Variants in DNAH8 observed in about 807,000 individuals in gnomAD.
DNAH8 encodes dynein axonemal heavy chain 8.
DNAH8 carries 382 observed loss-of-function variants against 562.1 expected under a neutral mutation model. That is an observed-to-expected ratio of 0.68 (90% CI 0.63 to 0.74). The LOEUF (loss-of-function observed/expected upper bound fraction) is 0.74. Ranked by LOEUF, DNAH8 falls within the 30% of genes least tolerant of loss-of-function variation. The pLI is 0.00. For missense variants in DNAH8, 5,203 were observed against 5,620.4 expected (o/e 0.93, Z 2.37); for synonymous variants, 1,881 against 1,919.4 (o/e 0.98, Z 0.52).
intron 85 of DNAH8, among the ~76,000 whole-genome samples, chr6:38,975,760 C>A (rs1461923449): frequency 6.6e-6 from 1 of 152,192 alleles, no homozygotes; most frequent in Non-Finnish European, 1.5e-5. Flanking sequence ...CTTTGCTAGA[C>A]CTTATCACAT....
Position 38,873,142 on chromosome 6 carries a change from T to A in DNAH8, c.7474T>A (p.Leu2492Ile). The change falls in exon 51 of 93, where the codon TTA becomes ATA. Residue 2492 changes from leucine to isoleucine, a missense_variant. Leu to Ile is a conservative substitution (Grantham distance 5). This residue lies in a region of DNAH8 where 977 missense variants were observed against 1,061.8 expected (regional missense o/e 0.92). Transcript: ENST00000327475. Reference protein sequence around the residue: ...SSSALSWRPILQAWLKKRTAQ... With the variant: ...SSSALSWRPIIQAWLKKRTAQ... ...CTCTGCTCTCAGCTGGAGGCCAATC[T>A]TACAGGTGGGGCAGAGAGATGGGAA... The A allele has an allele frequency of 6.2e-7, 1 of 1,613,502 alleles. No homozygotes were observed. The highest frequency in any genetic ancestry group is 8.5e-7 in the Non-Finnish European group (1 of 1,179,960).
chr6:38,848,568 T>C (rs1321418788), intron 36 of DNAH8, 80 bp from the exon 37 acceptor site: 13 of 1,144,390 alleles, frequency 1.1e-5, no homozygotes, highest in Non-Finnish European at 1.4e-5. Context: ...GTAATATTTC[T>C]TCTGGAATTT....
At chr6:38,722,099 C>T (rs1937781) in intron 1 of DNAH8, among the ~76,000 whole-genome samples, 112,121 of 152,098 alleles carry the variant, frequency 0.74, 41,783 homozygotes, top group East Asian at 0.99. Context: ...TACACTTCTT[C>T]ATTATTAGAG....
chr6:38,808,044 G>A (rs1052962838), intron 24 of DNAH8, among the ~76,000 whole-genome samples: 1 of 152,056 alleles, frequency 6.6e-6, no homozygotes, highest in Non-Finnish European at 1.5e-5. Flanking sequence ...CCCAATCCAC[G>A]TATCATTTAA....
In DNAH8 at chr6:38,847,941, A is replaced by G. The variant is rs116335211; in HGVS notation, c.5046-707A>G. Among the ~76,000 whole-genome samples the G allele has an allele frequency of 2.3e-3, 345 of 152,230 alleles. 1 individual carries two copies. Among genetic ancestry groups the G allele is most frequent in the African/African-American group, 7.7e-3 (321 of 41,558 alleles). On this transcript the variant is annotated intron_variant, in intron 36 of 92. Coordinates refer to ENST00000327475, the MANE Select transcript of DNAH8 (RefSeq NM_001206927.2). ...ATGATCAGAAAACAGGAGCCCTGCTATATGGGGGTAGCAACCCTGGGTCTC... is the reference window on the plus strand; with the variant it reads ...ATGATCAGAAAACAGGAGCCCTGCTGTATGGGGGTAGCAACCCTGGGTCTC...
At chr6:38,983,693 G>T (rs1177172864) in intron 86 of DNAH8, among the ~76,000 whole-genome samples, 2 of 152,166 alleles carry the variant, frequency 1.3e-5, no homozygotes, top group Non-Finnish European at 2.9e-5. Flanking sequence ...TAAATATTTT[G>T]ATGTAGTTTT....
At chr6:38,843,962 AC>A (rs753099313) in intron 35 of DNAH8, among the ~76,000 whole-genome samples, 1 of 151,884 alleles carries the variant, frequency 6.6e-6, no homozygotes, top group Non-Finnish European at 1.5e-5. Flanking sequence ...TCCTTCCTCT[AC>A]TGTGCTGTGG....
chr6:38,919,962 C>T (rs2050182), intron 70 of DNAH8, among the ~76,000 whole-genome samples: 9,015 of 152,066 alleles, frequency 0.059, 815 homozygotes, highest in African/African-American at 0.19. Flanking sequence ...AGAAAAGCAG[C>T]AGAATTAATG....
chr6:38,853,251 G>C lies in DNAH8; in HGVS notation c.5637G>C (p.Gln1879His). 1.9e-6 allele frequency: 3 copies of C among 1,613,304 alleles called. No individual in the cohort carries two copies. Among genetic ancestry groups the C allele is most frequent in the Non-Finnish European group, 2.5e-6 (3 of 1,179,588 alleles). ...GGCTACTGGATTTGTTAAAAATGCA[G>C]ATGTCATCATTACATAATATAATTA... is the stretch of plus-strand genomic sequence containing the variant. ...EIWLLDLLKMQMSSLHNIIRS... is the reference protein window; with the variant it reads ...EIWLLDLLKMHMSSLHNIIRS... Residue 1879 changes from glutamine (Q) to histidine (H), a missense_variant, in exon 41 of 93, where the codon CAG becomes CAC. Physicochemically the swap from Gln to His is conservative, Grantham distance 24 (BLOSUM62 0). Coordinates refer to ENST00000327475, the MANE Select transcript of DNAH8 (RefSeq NM_001206927.2).
At chr6:38,835,275 T>C (rs143842749) in intron 32 of DNAH8, among the ~76,000 whole-genome samples, 1 of 151,002 alleles carries the variant, frequency 6.6e-6, no homozygotes, top group Non-Finnish European at 1.5e-5. Context: ...ATAGTGTGAT[T>C]AGTTCTTTTC....
chr6:38,951,560 A>T (rs1554143716), intron 82 of DNAH8, 40 bp downstream of exon 82: 2 of 1,559,020 alleles, frequency 1.3e-6, no homozygotes, highest in African/African-American at 2.7e-5. Flanking sequence ...ACACTTCCAT[A>T]TTTTTTTGCC....
At chr6:38,766,711 C>G (rs1767040948) in intron 11 of DNAH8, among the ~76,000 whole-genome samples, 1 of 152,026 alleles carries the variant, frequency 6.6e-6, no homozygotes, top group Non-Finnish European at 1.5e-5. Context: ...TCACACCCCC[C>G]ACCCCAAAAA....
intron 82 of DNAH8, among the ~76,000 whole-genome samples, chr6:38,964,983 GAAC>G (rs540672461): frequency 6.6e-4 from 101 of 152,204 alleles, no homozygotes; most frequent in African/African-American, 2.1e-3. Flanking sequence ...AGAATCTCTT[GAAC>G]CCTGGAGGTG....
At chr6:38,878,949 TC>T (rs1397594378) in intron 53 of DNAH8, among the ~76,000 whole-genome samples, 5 of 152,134 alleles carry the variant, frequency 3.3e-5, no homozygotes, top group Non-Finnish European at 2.9e-5. Context: ...TTGTAATAAT[TC>T]CATATTGTAT....
chr6:38,818,727 C>T lies in DNAH8; in HGVS notation c.3523+3070C>T, dbSNP rs546226779. 7.2e-5 allele frequency among the ~76,000 whole-genome samples: 11 copies of T among 152,194 alleles called. No homozygotes were observed. The East Asian group carries it at 1.5e-3, about 21-fold the overall frequency. The stretch of plus-strand genomic sequence containing the variant: ...ACTGCTCTCAACAAATGCTGGATGC[C>T]GTTATATATACTGTCTTTTAACTTG... On this transcript the variant is annotated intron_variant, in intron 26 of 92. Coordinates refer to ENST00000327475, the MANE Select transcript of DNAH8 (RefSeq NM_001206927.2).
intron 24 of DNAH8, among the ~76,000 whole-genome samples, chr6:38,811,309 G>A (rs1470985408): frequency 6.6e-6 from 1 of 152,204 alleles, no homozygotes; most frequent in Non-Finnish European, 1.5e-5. Context: ...CTGTCCAGAT[G>A]AGGTGCCAGG....
At chr6:38,930,129 A>G (rs1200263998) in intron 75 of DNAH8, among the ~76,000 whole-genome samples, 1 of 152,174 alleles carries the variant, frequency 6.6e-6, no homozygotes, top group African/African-American at 2.4e-5. Flanking sequence ...GATTTGGTAA[A>G]GTCATTGATT....
intron 28 of DNAH8, among the ~76,000 whole-genome samples, chr6:38,824,577 A>G (rs192880466): frequency 6.6e-6 from 1 of 152,252 alleles, no homozygotes; most frequent in East Asian, 1.9e-4. Flanking sequence ...CAATATTTGA[A>G]TGAGGTATTT....
intron 32 of DNAH8, among the ~76,000 whole-genome samples, 189 bp from the exon 33 acceptor site, chr6:38,837,753 C>T (rs1485437023): frequency 2.0e-5 from 3 of 152,108 alleles, no homozygotes; most frequent in East Asian, 1.9e-4. Context: ...TGCTTGAAAG[C>T]GAACTTTCCT....
Sources: gnomAD v4.1 joint callset for allele counts (sites outside exome capture counted in the v4.1 genomes callset) on GRCh38, gnomAD v4.1.1 for gene constraint, gnomAD v4.1.1 regional missense constraint, MANE v1.5 for transcripts, NCBI Gene and HGNC (gene_info 2026-07-23, HGNC 2026-07-21) for gene names.